PCDHB1: variants seen among roughly 807,000 people sequenced by gnomAD.
PCDHB1 encodes protocadherin beta 1.
Under a neutral mutation model 43.5 loss-of-function variants are expected in PCDHB1, and 44 were observed. The ratio of observed to expected loss-of-function variants is 1.01; its 90% CI spans 0.79 to 1.30. PCDHB1 has a LOEUF of 1.30. PCDHB1 is among the 50% of genes most tolerant of loss of function. PCDHB1 has a pLI of 0.00. For synonymous variants in PCDHB1, 392 were observed against 400.8 expected (o/e 0.98, Z 0.26); for missense variants, 919 against 1,008.9 (o/e 0.91, Z 1.21).
rs200399731 is a variant in PCDHB1 at position 141,052,172 on chromosome 5, T to G, written c.702T>G (p.Asp234Glu). 1 of 1,613,982 alleles carries G rather than the reference T, an allele frequency of 6.2e-7. No individual in the cohort carries two copies. Among genetic ancestry groups the G allele is most frequent in the East Asian group, 2.2e-5 (1 of 44,852 alleles). Residue 234 changes from aspartate to glutamate, a missense_variant, in exon 1 of 1, where the codon GAT becomes GAG. Transcript: ENST00000306549. Reference sequence around the variant, plus strand: ...CTCACATCCACGTGGTGGTTCTGGATGTCAACGACCACGTGCCCCAGTTCT... The same window carrying G: ...CTCACATCCACGTGGTGGTTCTGGAGGTCAACGACCACGTGCCCCAGTTCT... ...GTAHIHVVVL[D>E]VNDHVPQFSR...
At position 141,052,448 on chromosome 5, in the gene PCDHB1, C is replaced by G. The variant is rs1299552841; in HGVS notation, c.978C>G (p.Gly326=). Residue 326 remains glycine, a synonymous_variant, in exon 1 of 1, where the codon GGC becomes GGG. Transcript: ENST00000306549. ...DIDIQATDGG[G]LSAHSKVLVE... ...ACATTCAAGCTACAGATGGTGGAGGCCTCTCTGCCCACAGCAAAGTCCTGG... is the reference window on the plus strand; with the variant it reads ...ACATTCAAGCTACAGATGGTGGAGGGCTCTCTGCCCACAGCAAAGTCCTGG... 6.2e-7 allele frequency: 1 copy of G among 1,614,188 alleles called. No homozygotes were observed. Among genetic ancestry groups the G allele is most frequent in the East Asian group, 2.2e-5 (1 of 44,890 alleles).
rs1750994809 is a variant in PCDHB1 at position 141,052,136 on chromosome 5, G to A, written c.666G>A (p.Lys222=). The A allele has an allele frequency of 6.2e-7, 1 of 1,613,464 alleles. No homozygotes were observed. Among genetic ancestry groups the A allele is most frequent in the Non-Finnish European group, 8.5e-7 (1 of 1,179,742 alleles). The part of the protein sequence containing the change: ...ITAVDGGSPP[K]SGTAHIHVVV... ...CGGTGGACGGCGGGTCCCCGCCTAA[G>A]TCTGGCACAGCTCACATCCACGTGG... Residue 222 remains lysine (K), a synonymous_variant, in exon 1 of 1, where the codon AAG becomes AAA. Transcript: ENST00000306549.
In PCDHB1 at chr5:141,051,908, C is replaced by A. The variant is rs1738079639; in HGVS notation, c.438C>A (p.Thr146=). 2 of 1,614,008 alleles carry A rather than the reference C, an allele frequency of 1.2e-6. No homozygotes were observed. Among genetic ancestry groups the A allele is most frequent in the Admixed American group, 3.3e-5 (2 of 59,998 alleles). The change falls in exon 1 of 1, where the codon ACC becomes ACA. Residue 146 remains threonine, a synonymous_variant. Coordinates refer to ENST00000306549, the MANE Select transcript of PCDHB1 (RefSeq NM_013340.4). ...CGCTTTTAAAGATTCCGGAGAGCAC[C>A]CCTTTGGGTTCACGTTTTCCTCTGC... ...KEPLLKIPES[T]PLGSRFPLQS...
Position 141,051,525 on chromosome 5 carries a change from A to AT in PCDHB1, c.60dup (p.Leu21SerfsTer30). 1 of 1,614,106 alleles carries AT rather than the reference A, an allele frequency of 6.2e-7. No homozygotes were observed. Among genetic ancestry groups the AT allele is most frequent in the East Asian group, 2.2e-5 (1 of 44,876 alleles). Reference sequence around the variant, plus strand: ...AAACAGGCAAGTGGGATCTCTTCTCATTTTTCTGTGCATATCTGTGGGGGA... The same window carrying AT: ...AAACAGGCAAGTGGGATCTCTTCTCATTTTTTCTGTGCATATCTGTGGGGGA... On this transcript the variant is annotated frameshift_variant, in exon 1 of 1. Coordinates refer to ENST00000306549, the MANE Select transcript of PCDHB1 (RefSeq NM_013340.4). LOFTEE classifies it high-confidence loss of function.
chr5:141,051,927 C>G lies in PCDHB1; in HGVS notation c.457C>G (p.Pro153Ala), dbSNP rs782180561. The G allele has an allele frequency of 6.2e-7, 1 of 1,614,190 alleles. No individual in the cohort carries two copies. The highest frequency in any genetic ancestry group is 1.7e-5 in the Admixed American group (1 of 60,022). ...GAGCACCCCTTTGGGTTCACGTTTT[C>G]CTCTGCAGAGCGCCCAGGATCTGGA... is the stretch of plus-strand genomic sequence containing the variant. ...PESTPLGSRF[P>A]LQSAQDLDVG... The change falls in exon 1 of 1, where the codon CCT becomes GCT. Residue 153 changes from proline (P) to alanine (A), a missense_variant. Physicochemically the swap from Pro to Ala is conservative, Grantham distance 27 (BLOSUM62 -1). Transcript: ENST00000306549.
chr5:141,055,248 A>T lies in PCDHB1; in HGVS notation c.*1321A>T, dbSNP rs1268470179. On this transcript the variant is annotated 3_prime_UTR_variant, in exon 1 of 1. Transcript: ENST00000306549. ...AGATCACCCTGGCTAACATGGCAAA[A>T]CCCTATCTCTACTAAAAATACAAAA... The T allele has an allele frequency of 1.3e-5, 2 of 152,040 alleles. No individual in the cohort carries two copies. Among genetic ancestry groups the T allele is most frequent in the Non-Finnish European group, 2.9e-5 (2 of 68,112 alleles). 9.4% of individuals were successfully genotyped at this position (152,040 alleles called of 1,614,324 possible).
rs1367832695 is a variant in PCDHB1 at position 141,051,524 on chromosome 5, C to T, written c.54C>T (p.Leu18=). The change falls in exon 1 of 1, where the codon CTC becomes CTT. Residue 18 remains leucine (L), a synonymous_variant. Coordinates refer to ENST00000306549, the MANE Select transcript of PCDHB1 (RefSeq NM_013340.4). ...AAAACAGGCAAGTGGGATCTCTTCT[C>T]ATTTTTCTGTGCATATCTGTGGGGG... The part of the protein sequence containing the change: ...SLQNRQVGSL[L]IFLCISVGDA... The T allele has an allele frequency of 3.1e-6, 5 of 1,614,122 alleles. No individual in the cohort carries two copies. Among genetic ancestry groups the T allele is most frequent in the African/African-American group, 2.7e-5 (2 of 74,946 alleles).
Position 141,052,785 on chromosome 5 carries a change from G to C in PCDHB1, c.1315G>C (p.Glu439Gln). 1 of 1,614,162 alleles carries C rather than the reference G, an allele frequency of 6.2e-7. No homozygotes were observed. Among genetic ancestry groups the C allele is most frequent in the Non-Finnish European group, 8.5e-7 (1 of 1,180,036 alleles). The stretch of plus-strand genomic sequence containing the variant: ...TAGCTTGTCTGCCGAGACTATGATA[G>C]AGGTGCTAATATCCGACGTTAATGA... ...PPSLSAETMI[E>Q]VLISDVNDNP... Residue 439 changes from glutamate to glutamine, a missense_variant, in exon 1 of 1, where the codon GAG becomes CAG. Coordinates refer to ENST00000306549, the MANE Select transcript of PCDHB1 (RefSeq NM_013340.4).
At position 141,051,783 on chromosome 5, in the gene PCDHB1, C is replaced by A. The variant is rs782290189; in HGVS notation, c.313C>A (p.His105Asn). ...TGGCAAAGCCGACCCTTGTGTTCTG[C>A]ACTTTGAAGTAGTCCTGGTGGAGCC... ...LCGKADPCVL[H>N]FEVVLVEPLQ... The change falls in exon 1 of 1, where the codon CAC becomes AAC. Residue 105 changes from histidine (H) to asparagine (N), a missense_variant. Coordinates refer to ENST00000306549, the MANE Select transcript of PCDHB1 (RefSeq NM_013340.4). 1 of 1,614,208 alleles carries A rather than the reference C, an allele frequency of 6.2e-7. No homozygotes were observed. Among genetic ancestry groups the A allele is most frequent in the South Asian group, 1.1e-5 (1 of 91,086 alleles).
At position 141,052,906 on chromosome 5, in the gene PCDHB1, T is replaced by C; in HGVS notation, c.1436T>C (p.Leu479Pro). The change falls in exon 1 of 1, where the codon CTT (leucine) becomes CCT (proline). Residue 479 changes from leucine (L) to proline (P), a missense_variant. Leu to Pro is a moderately conservative substitution (Grantham distance 98). Coordinates refer to ENST00000306549, the MANE Select transcript of PCDHB1 (RefSeq NM_013340.4). Reference sequence around the variant, plus strand: ...ATTGGCAAAGTCCATGCTGAGGATCTTGATTTGGGTGAGAATGCCCAAATA... The same window carrying C: ...ATTGGCAAAGTCCATGCTGAGGATCCTGATTTGGGTGAGAATGCCCAAATA... ...VFIGKVHAEDLDLGENAQITY... is the reference protein window; with the variant it reads ...VFIGKVHAEDPDLGENAQITY... 1 of 1,614,242 alleles carries C rather than the reference T, an allele frequency of 6.2e-7. No individual in the cohort carries two copies. The highest frequency in any genetic ancestry group is 8.5e-7 in the Non-Finnish European group (1 of 1,180,050).
Position 141,053,535 on chromosome 5 carries a change from A to G in PCDHB1, c.2065A>G (p.Lys689Glu). The G allele has an allele frequency of 6.2e-7, 1 of 1,614,112 alleles. No homozygotes were observed. Among genetic ancestry groups the G allele is most frequent in the African/African-American group, 1.3e-5 (1 of 75,038 alleles). The change falls in exon 1 of 1, where the codon AAA (lysine) becomes GAA (glutamate). Residue 689 changes from lysine (K) to glutamate (E), a missense_variant. By Grantham distance (56) the Lys-to-Glu change is moderately conservative (BLOSUM62 1). Coordinates refer to ENST00000306549, the MANE Select transcript of PCDHB1 (RefSeq NM_013340.4). ...KHSRKVNPSTKYLVISLVILS... is the reference protein window; with the variant it reads ...KHSRKVNPSTEYLVISLVILS... Reference sequence around the variant, plus strand: ...TTCTAGAAAGGTAAATCCATCCACTAAATATTTGGTCATTTCTCTGGTCAT... The same window carrying G: ...TTCTAGAAAGGTAAATCCATCCACTGAATATTTGGTCATTTCTCTGGTCAT...
Position 141,054,133 on chromosome 5 carries a change from T to C in PCDHB1, c.*206T>C. ...GTTATCCTGATCCCCAGATCATATA[T>C]CTATAACCCTTTCTCCAGTTGGAAT... On this transcript the variant is annotated 3_prime_UTR_variant, in exon 1 of 1. Coordinates refer to ENST00000306549, the MANE Select transcript of PCDHB1 (RefSeq NM_013340.4). 4.0e-6 allele frequency: 2 copies of C among 498,142 alleles called. No homozygotes were observed. Among genetic ancestry groups the C allele is most frequent in the Non-Finnish European group, 7.1e-6 (2 of 282,806 alleles). The allele number at this position is 498,142 out of a possible 1,614,324, so 30.9% of individuals were successfully genotyped here.
Position 141,053,499 on chromosome 5 carries a change from C to A in PCDHB1, c.2029C>A (p.Pro677Thr). Residue 677 changes from proline (P) to threonine (T), a missense_variant, in exon 1 of 1, where the codon CCA (proline) becomes ACA (threonine). By Grantham distance (38) the Pro-to-Thr change is conservative. Coordinates refer to ENST00000306549, the MANE Select transcript of PCDHB1 (RefSeq NM_013340.4). ...AGAGCCCTACCTGCAGTTCCAGGAT[C>A]CAACCAAGCATTCTAGAAAGGTAAA... ...FSEPYLQFQDPTKHSRKVNPS... is the reference protein window; with the variant it reads ...FSEPYLQFQDTTKHSRKVNPS... 1 of 1,614,172 alleles carries A rather than the reference C, an allele frequency of 6.2e-7. No individual in the cohort carries two copies. Among genetic ancestry groups the A allele is most frequent in the South Asian group, 1.1e-5 (1 of 91,078 alleles).
In PCDHB1 at chr5:141,053,194, A is replaced by G. The variant is rs1751039307; in HGVS notation, c.1724A>G (p.Asp575Gly). 1.2e-6 allele frequency: 2 copies of G among 1,614,082 alleles called. No individual in the cohort carries two copies. The highest frequency in any genetic ancestry group is 2.2e-5 in the East Asian group (1 of 44,888). Residue 575 changes from aspartate to glycine, a missense_variant, in exon 1 of 1, where the codon GAC becomes GGC. Coordinates refer to ENST00000306549, the MANE Select transcript of PCDHB1 (RefSeq NM_013340.4). ...PLQNGTLPCNDLVPRSAEAGY... is the reference protein window; with the variant it reads ...PLQNGTLPCNGLVPRSAEAGY... ...CAGAACGGCACCTTGCCCTGCAATG[A>G]CCTGGTGCCCAGGTCTGCAGAGGCA...
At position 141,052,138 on chromosome 5, in the gene PCDHB1, C is replaced by G; in HGVS notation, c.668C>G (p.Ser223Cys). The G allele has an allele frequency of 1.2e-6, 2 of 1,613,456 alleles. No homozygotes were observed. The highest frequency in any genetic ancestry group is 1.7e-6 in the Non-Finnish European group (2 of 1,179,738). The change falls in exon 1 of 1, where the codon TCT becomes TGT. Residue 223 changes from serine (S) to cysteine (C), a missense_variant. By Grantham distance (112) the Ser-to-Cys change is moderately radical. Coordinates refer to ENST00000306549, the MANE Select transcript of PCDHB1 (RefSeq NM_013340.4). ...TAVDGGSPPK[S>C]GTAHIHVVVL... ...GTGGACGGCGGGTCCCCGCCTAAGT[C>G]TGGCACAGCTCACATCCACGTGGTG...
In PCDHB1 at chr5:141,054,928, T is replaced by G. The variant is rs1397586926; in HGVS notation, c.*1001T>G. ...CCAGGCTGGTCATGAACTTCTGACCTCAGGTGATCCACCAGCCTCGGAAAC... is the reference window on the plus strand; with the variant it reads ...CCAGGCTGGTCATGAACTTCTGACCGCAGGTGATCCACCAGCCTCGGAAAC... On this transcript the variant is annotated 3_prime_UTR_variant, in exon 1 of 1. Coordinates refer to ENST00000306549, the MANE Select transcript of PCDHB1 (RefSeq NM_013340.4). The G allele has an allele frequency of 1.3e-5, 2 of 152,136 alleles. No individual in the cohort carries two copies. Among genetic ancestry groups the G allele is most frequent in the African/African-American group, 4.8e-5 (2 of 41,406 alleles). The allele number at this position is 152,136 out of a possible 1,614,324, so 9.4% of individuals were successfully genotyped here.
Position 141,051,836 on chromosome 5 carries a change from G to A in PCDHB1, c.366G>A (p.Arg122=). ...TGCAGTCCTTCCGGGCCGAGGTCAG[G>A]GTATTTGATATCAATGACAATGCCC... ...EPLQSFRAEV[R]VFDINDNAPV... The change falls in exon 1 of 1, where the codon AGG becomes AGA. Residue 122 remains arginine, a synonymous_variant. Coordinates refer to ENST00000306549, the MANE Select transcript of PCDHB1 (RefSeq NM_013340.4). 6.2e-7 allele frequency: 1 copy of A among 1,614,186 alleles called. No homozygotes were observed. Among genetic ancestry groups the A allele is most frequent in the East Asian group, 2.2e-5 (1 of 44,870 alleles).
In PCDHB1 at chr5:141,052,555, C is replaced by T. The variant is rs143957093; in HGVS notation, c.1085C>T (p.Pro362Leu). ...VSSPLPEDSP[P>L]QTVVALFTIR... is the part of the protein sequence containing the mutation. ...AGCCCACTCCCTGAAGACTCACCACCACAGACAGTAGTAGCCCTTTTCACT... is the reference window on the plus strand; with the variant it reads ...AGCCCACTCCCTGAAGACTCACCACTACAGACAGTAGTAGCCCTTTTCACT... Residue 362 changes from proline to leucine, a missense_variant, in exon 1 of 1, where the codon CCA (proline) becomes CTA (leucine). Coordinates refer to ENST00000306549, the MANE Select transcript of PCDHB1 (RefSeq NM_013340.4). 1.5e-5 allele frequency: 25 copies of T among 1,614,062 alleles called. No individual in the cohort carries two copies. The African/African-American group carries it at 2.9e-4, about 19-fold the overall frequency.
Position 141,052,185 on chromosome 5 carries a change from G to A in PCDHB1, c.715G>A (p.Val239Met). The A allele has an allele frequency of 1.9e-6, 3 of 1,614,074 alleles. No homozygotes were observed. The highest frequency in any genetic ancestry group is 2.5e-6 in the Non-Finnish European group (3 of 1,180,014). ...HVVVLDVNDH[V>M]PQFSRLVYRA... The stretch of plus-strand genomic sequence containing the variant: ...GGTGGTTCTGGATGTCAACGACCAC[G>A]TGCCCCAGTTCTCGCGACTGGTGTA... The change falls in exon 1 of 1, where the codon GTG (valine) becomes ATG (methionine). Residue 239 changes from valine to methionine, a missense_variant. Physicochemically the swap from Val to Met is conservative, Grantham distance 21. Coordinates refer to ENST00000306549, the MANE Select transcript of PCDHB1 (RefSeq NM_013340.4).
Sources: gnomAD v4.1 joint callset for allele counts on GRCh38, gnomAD v4.1.1 for gene constraint, MANE v1.5 for transcripts, NCBI Gene and HGNC (gene_info 2026-07-23, HGNC 2026-07-21) for gene names.